Variants in PARVB observed in about 807,000 individuals in gnomAD.
PARVB encodes the protein beta-parvin.
In PARVB, 46 loss-of-function variants were observed where a neutral mutation model predicts 47.0. The observed-to-expected ratio is 0.98, with a 90% CI of 0.77 to 1.25. PARVB has a LOEUF of 1.25. PARVB is among the 50% of genes most tolerant of loss of function. The pLI, the probability that PARVB is intolerant of heterozygous loss-of-function variation, is 0.00. For synonymous variants in PARVB, 196 were observed against 196.3 expected, an observed-to-expected ratio of 1.00 and a Z score of 0.01; for missense variants, 473 against 471.6, an observed-to-expected ratio of 1.00 and a Z score of -0.03.
intron 3 of PARVB, among the ~76,000 whole-genome samples, chr22:44,101,044 G>T (rs1480664344): frequency 6.6e-6 from 1 of 152,196 alleles, no homozygotes. Context: ...CCCAATGCTG[G>T]GCTGTACAAC....
chr22:44,083,474 T>A (rs1217825352), intron 1 of PARVB, among the ~76,000 whole-genome samples: 1 of 152,096 alleles, frequency 6.6e-6, no homozygotes, highest in African/African-American at 2.4e-5. Context: ...GAATAGGGTT[T>A]GTCATTGTCA....
At chr22:44,020,566 G>C (rs1421240674), upstream of PARVB, among the ~76,000 whole-genome samples, 1 of 152,104 alleles carries the variant, frequency 6.6e-6, no homozygotes, top group Non-Finnish European at 1.5e-5. Flanking sequence ...CCCCCCTCAG[G>C]TTTGATTAGC....
intron 1 of PARVB, among the ~76,000 whole-genome samples, chr22:44,035,927 G>A (rs1048821009): frequency 4.6e-5 from 7 of 152,120 alleles, no homozygotes; most frequent in African/African-American, 1.7e-4. Context: ...CAGTGGTGCA[G>A]TATGGACTGC....
chr22:44,099,529 C>G (rs117641765), intron 2 of PARVB, among the ~76,000 whole-genome samples: 1 of 151,262 alleles, frequency 6.6e-6, no homozygotes, highest in African/African-American at 2.4e-5. Flanking sequence ...CCCCCCCCAC[C>G]TTTTTTTTTG....
intron 1 of PARVB, among the ~76,000 whole-genome samples, chr22:44,090,902 C>T (rs1047716076): frequency 6.6e-6 from 1 of 152,228 alleles, no homozygotes; most frequent in African/African-American, 2.4e-5. Context: ...TCACTTTTCC[C>T]TGTTTCCTTT....
intron 1 of PARVB, among the ~76,000 whole-genome samples, chr22:44,093,545 A>G (rs867715807): frequency 2.2e-4 from 33 of 152,346 alleles, no homozygotes; most frequent in Admixed American, 3.3e-4. Flanking sequence ...GCCCCCCGGC[A>G]GAGGGAAGGC....
chr22:44,141,105 C>G (rs1039192451), intron 8 of PARVB: 2 of 156,068 alleles, frequency 1.3e-5, no homozygotes, highest in African/African-American at 4.8e-5. Context: ...TTTGGGGGCC[C>G]TCTGGGTGGG....
chr22:44,060,503 T>C (rs2051398921), intron 1 of PARVB, among the ~76,000 whole-genome samples: 1 of 151,930 alleles, frequency 6.6e-6, no homozygotes, highest in Non-Finnish European at 1.5e-5. Flanking sequence ...GTTCTAAAAA[T>C]CCTGGTGTGT....
chr22:44,020,327 C>T (rs935387174), upstream of PARVB, among the ~76,000 whole-genome samples: 4 of 152,106 alleles, frequency 2.6e-5, no homozygotes, highest in African/African-American at 9.7e-5. Context: ...CAGGCATATG[C>T]CATTACACCC....
At position 44,068,492 on chromosome 22, in the gene PARVB, C is replaced by A. The variant is rs569645619; in HGVS notation, c.113-25436C>A. On this transcript the variant is annotated intron_variant, in intron 1 of 12. Transcript: ENST00000338758. This position sits in a 1 kb window ranked among gnomAD's most constrained non-coding sequence, Gnocchi z 4.1. Reference sequence around the variant, plus strand: ...CCTTCCTTTGGGGAAGTGAGTGCTCCCGAGAGCAGCCTGCCGCCTCCGTGT... The same window carrying A: ...CCTTCCTTTGGGGAAGTGAGTGCTCACGAGAGCAGCCTGCCGCCTCCGTGT... Among the ~76,000 whole-genome samples the A allele has an allele frequency of 6.6e-6, 1 of 152,316 alleles. No homozygotes were observed. Among genetic ancestry groups the A allele is most frequent in the East Asian group, 1.9e-4 (1 of 5,172 alleles).
At chr22:44,069,874 G>A (rs1222443591) in intron 1 of PARVB, among the ~76,000 whole-genome samples, 3 of 152,176 alleles carry the variant, frequency 2.0e-5, no homozygotes, top group African/African-American at 7.2e-5. Context: ...TCCCCTCTAA[G>A]TAGCTGATCG....
intron 2 of PARVB, among the ~76,000 whole-genome samples, chr22:44,094,792 C>T (rs989708522): frequency 2.0e-5 from 3 of 151,750 alleles, no homozygotes; most frequent in South Asian, 2.1e-4. Context: ...CGCCTGGCCC[C>T]AACACCCTTA....
In PARVB at chr22:44,172,882, C is replaced by G. The variant is rs533003364; in HGVS notation, c.*4204C>G. On this transcript the variant is annotated 3_prime_UTR_variant, in exon 13 of 13. Coordinates refer to ENST00000338758, the MANE Select transcript of PARVB (RefSeq NM_013327.5). ...TCTTCCGCCAGGGATGCGGTTAGGA[C>G]AATGCCACGTGGCGTCACAGTATGC... 7 of 994,148 alleles carry G rather than the reference C, an allele frequency of 7.0e-6. No individual in the cohort carries two copies. The Admixed American group carries it at 1.8e-4, about 25-fold the overall frequency. The allele number at this position is 994,148 out of a possible 1,614,324, so 61.6% of individuals were successfully genotyped here.
intron 1 of PARVB, among the ~76,000 whole-genome samples, chr22:44,029,317 C>T (rs899187327): frequency 7.2e-5 from 11 of 152,162 alleles, no homozygotes; most frequent in Non-Finnish European, 1.5e-4. Context: ...TGTTTGTTTC[C>T]TTACTGTTGA....
intron 1 of PARVB, among the ~76,000 whole-genome samples, chr22:44,086,342 G>A (rs530770557): frequency 5.9e-5 from 9 of 152,252 alleles, no homozygotes; most frequent in Middle Eastern, 3.4e-3. Flanking sequence ...TCCCATGTCC[G>A]GGCCAGGAGG....
intron 1 of PARVB, among the ~76,000 whole-genome samples, chr22:44,050,375 C>T (rs1416448629): frequency 2.7e-5 from 4 of 150,736 alleles, no homozygotes; most frequent in African/African-American, 4.9e-5. Flanking sequence ...CTGAGTTTCG[C>T]TCTTGTTGCC....
chr22:44,038,834 G>A (rs2050967500), intron 1 of PARVB, among the ~76,000 whole-genome samples: 1 of 152,140 alleles, frequency 6.6e-6, no homozygotes, highest in Admixed American at 6.6e-5. Flanking sequence ...GCCATCGAGT[G>A]GGAGAAAATG....
intron 1 of PARVB, among the ~76,000 whole-genome samples, chr22:44,026,716 C>T (rs769718667): frequency 6.6e-6 from 1 of 152,166 alleles, no homozygotes; most frequent in Admixed American, 6.5e-5. Context: ...GAGGTTTCCA[C>T]GACCCTGCCT....
intron 9 of PARVB, chr22:44,148,173 C>T: frequency 1.9e-6 from 1 of 535,654 alleles, no homozygotes; most frequent in South Asian, 2.1e-5. Flanking sequence ...ATTACCCAGC[C>T]CCCATTTCTT....
Sources: allele counts gnomAD v4.1 joint callset (sites outside exome capture counted in the v4.1 genomes callset), GRCh38; gene constraint gnomAD v4.1.1; non-coding constraint Gnocchi (gnomAD v3.1); transcripts MANE v1.5; gene names NCBI Gene and HGNC (gene_info 2026-07-23, HGNC 2026-07-21).